TENM4: variants seen among roughly 807,000 people sequenced by gnomAD.
TENM4 encodes teneurin transmembrane protein 4, also known as teneurin-4.
A neutral mutation model predicts 243.3 loss-of-function variants in TENM4; 82 were observed. The ratio of observed to expected loss-of-function variants is 0.34; its 90% CI spans 0.28 to 0.40. The LOEUF (loss-of-function observed/expected upper bound fraction) is 0.40. Among genes scored for constraint, TENM4 ranks in the 10% least tolerant of loss-of-function variants. The pLI, the probability that TENM4 is intolerant of heterozygous loss-of-function variation, is 1.00. For synonymous variants in TENM4, 1,412 were observed against 1,456.3 expected (o/e 0.97, Z 0.69); for missense variants, 3,138 against 3,673.3 (o/e 0.85, Z 3.77).
intron 1 of TENM4, among the ~76,000 whole-genome samples, chr11:79,337,855 C>T (rs1368466157): frequency 1.3e-5 from 2 of 152,178 alleles, no homozygotes; most frequent in African/African-American, 2.4e-5. Flanking sequence ...AAGTGGGTAT[C>T]GCTATCCACA....
chr11:79,147,467 G>A (rs1311429416), intron 4 of TENM4, among the ~76,000 whole-genome samples: 1 of 152,046 alleles, frequency 6.6e-6, no homozygotes, highest in East Asian at 1.9e-4. Context: ...CTGACTCTGA[G>A]AAGTAGAGTT....
At chr11:79,376,824 T>C (rs1030036811) in intron 1 of TENM4, among the ~76,000 whole-genome samples, 1 of 152,122 alleles carries the variant, frequency 6.6e-6, no homozygotes, top group Non-Finnish European at 1.5e-5. Flanking sequence ...ACATGTACTC[T>C]CAGAATCTCA....
intron 20 of TENM4, among the ~76,000 whole-genome samples, chr11:78,737,223 C>T (rs549378592): frequency 2.4e-4 from 37 of 152,336 alleles, no homozygotes; most frequent in Middle Eastern, 3.4e-3. Context: ...CAGGCAGCAT[C>T]CTTCATGCTG....
Position 79,196,679 on chromosome 11 carries a change from G to T in TENM4, c.-163+19129C>A, listed in dbSNP as rs562906063. 6.6e-5 allele frequency among the ~76,000 whole-genome samples: 10 copies of T among 152,218 alleles called. No individual in the cohort carries two copies. In the South Asian group the frequency reaches 2.1e-3, roughly 32 times the overall value. ...TTTCCTGAGGACATTTCCAGGGGGT[G>T]CATTCTCTTCTTAACAGGGCCTCAG... On this transcript the variant is annotated intron_variant, in intron 3 of 33. Transcript: ENST00000278550.
intron 6 of TENM4, among the ~76,000 whole-genome samples, chr11:78,908,513 C>A (rs951518265): frequency 1.1e-4 from 16 of 152,106 alleles, no homozygotes; most frequent in Non-Finnish European, 2.9e-5. Context: ...AAGCAAAAAA[C>A]CTTGAGAGAA....
At chr11:78,987,690 T>A (rs902475587) in intron 6 of TENM4, among the ~76,000 whole-genome samples, 5 of 152,198 alleles carry the variant, frequency 3.3e-5, no homozygotes, top group Admixed American at 3.3e-4. Context: ...AAATGATAAA[T>A]GTGAAGGTGC....
intron 12 of TENM4, among the ~76,000 whole-genome samples, chr11:78,835,715 C>T (rs189627905): frequency 2.7e-4 from 41 of 152,292 alleles, no homozygotes; most frequent in African/African-American, 8.9e-4. Context: ...GCTTAGATGT[C>T]GCTGTCATGT....
At chr11:78,683,279 G>A (rs989698978) in intron 29 of TENM4, among the ~76,000 whole-genome samples, 2 of 67,248 alleles carry the variant, frequency 3.0e-5, no homozygotes, top group East Asian at 4.4e-4. Flanking sequence ...AGGCAGGCAG[G>A]CCTCCTTGAG....
At chr11:78,818,027 C>T (rs1857645779) in intron 12 of TENM4, among the ~76,000 whole-genome samples, 3 of 152,084 alleles carry the variant, frequency 2.0e-5, no homozygotes, top group Non-Finnish European at 2.9e-5. Flanking sequence ...ACTGTGAACT[C>T]CTTGAGGATA....
Position 78,814,287 on chromosome 11 carries a change from T to A in TENM4, c.1783+7A>T, listed in dbSNP as rs1857559925. On this transcript the variant is annotated splice_region_variant and intron_variant, in intron 13 of 33. Coordinates refer to ENST00000278550, the MANE Select transcript of TENM4 (RefSeq NM_001098816.3). ...AGAAATCCAGAGCTCCAATGCAGAGTTCTCACCTCTGCCACAGTCGGGGCC... is the reference window on the plus strand; with the variant it reads ...AGAAATCCAGAGCTCCAATGCAGAGATCTCACCTCTGCCACAGTCGGGGCC... 6.5e-7 allele frequency: 1 copy of A among 1,548,328 alleles called. No homozygotes were observed. Among genetic ancestry groups the A allele is most frequent in the Non-Finnish European group, 8.7e-7 (1 of 1,145,318 alleles).
chr11:78,862,852 C>T (rs1265058137), intron 10 of TENM4, 110 bp downstream of exon 10: 20 of 1,163,036 alleles, frequency 1.7e-5, no homozygotes, highest in Non-Finnish European at 1.9e-5. Context: ...GAGGGAGCGC[C>T]AGAGCATGGA....
At chr11:79,048,567 C>T (rs1403845362) in intron 6 of TENM4, among the ~76,000 whole-genome samples, 3 of 152,064 alleles carry the variant, frequency 2.0e-5, no homozygotes, top group African/African-American at 2.4e-5. Context: ...TGTGGTGCTT[C>T]TGTGCTGCAA....
intron 4 of TENM4, among the ~76,000 whole-genome samples, chr11:79,127,047 T>C (rs748123694): frequency 2.6e-5 from 4 of 152,148 alleles, no homozygotes; most frequent in South Asian, 2.1e-4. Context: ...TTATAGTGGG[T>C]CCAGTGGGTT....
At chr11:79,212,115 A>T (rs1392769350) in intron 3 of TENM4, among the ~76,000 whole-genome samples, 1 of 152,222 alleles carries the variant, frequency 6.6e-6, no homozygotes, top group South Asian at 2.1e-4. Flanking sequence ...TCTAATGTGA[A>T]CTTTAAAAGA....
intron 2 of TENM4, among the ~76,000 whole-genome samples, chr11:79,218,062 G>A (rs1864086969): frequency 6.6e-6 from 1 of 152,040 alleles, no homozygotes; most frequent in South Asian, 2.1e-4. Context: ...AAGAGTTTGG[G>A]AGTAAACCTA....
At chr11:79,362,706 C>T (rs1857610194) in intron 1 of TENM4, among the ~76,000 whole-genome samples, 1 of 152,208 alleles carries the variant, frequency 6.6e-6, no homozygotes, top group African/African-American at 2.4e-5. Context: ...TCCTATTCTA[C>T]TATTTTTGTA....
chr11:79,006,568 A>G (rs1858490411), intron 6 of TENM4, among the ~76,000 whole-genome samples: 1 of 152,014 alleles, frequency 6.6e-6, no homozygotes, highest in Non-Finnish European at 1.5e-5. Flanking sequence ...TATTTAACAC[A>G]CTAGATAACT....
At chr11:78,853,111 C>T (rs920086800) in intron 12 of TENM4, among the ~76,000 whole-genome samples, 6 of 152,098 alleles carry the variant, frequency 3.9e-5, no homozygotes, top group Middle Eastern at 3.4e-3. Context: ...TCCTAGCCAA[C>T]GACTGAGACA....
chr11:79,042,192 CT>C (rs1344960801), intron 6 of TENM4, among the ~76,000 whole-genome samples: 1 of 152,134 alleles, frequency 6.6e-6, no homozygotes, highest in African/African-American at 2.4e-5. Context: ...TATCCAAGTG[CT>C]TTAAGACACC....
Sources: allele counts gnomAD v4.1 joint callset (sites outside exome capture counted in the v4.1 genomes callset), GRCh38; gene constraint gnomAD v4.1.1; transcripts MANE v1.5; gene names NCBI Gene and HGNC (gene_info 2026-07-23, HGNC 2026-07-21).